EDIL3: variants seen among roughly 807,000 people sequenced by gnomAD.
The protein encoded by EDIL3 is EGF-like repeat and discoidin I-like domain-containing protein 3.
Under a neutral mutation model 67.4 loss-of-function variants are expected in EDIL3, and 37 were observed. The observed-to-expected ratio is 0.55, with a 90% CI of 0.42 to 0.72. The LOEUF is 0.72. Among genes scored for constraint, EDIL3 ranks in the 30% least tolerant of loss-of-function variants. EDIL3 has a pLI of 0.00. For synonymous variants in EDIL3, 195 were observed against 196.3 expected (o/e 0.99, Z 0.05); for missense variants, 527 against 586.3 (o/e 0.90, Z 1.04).
At chr5:84,048,992 G>C (rs923688629) in intron 9 of EDIL3, among the ~76,000 whole-genome samples, 2 of 152,042 alleles carry the variant, frequency 1.3e-5, no homozygotes, top group African/African-American at 2.4e-5. Flanking sequence ...AAGTAAAAAA[G>C]AAATTAATCT....
At chr5:84,046,348 T>C (rs1403097913) in intron 9 of EDIL3, among the ~76,000 whole-genome samples, 1 of 152,174 alleles carries the variant, frequency 6.6e-6, no homozygotes, top group Non-Finnish European at 1.5e-5. Flanking sequence ...GACTGGGCAT[T>C]GGAGAGGCTT....
At chr5:84,338,986 T>C (rs1747043476) in intron 1 of EDIL3, among the ~76,000 whole-genome samples, 1 of 151,258 alleles carries the variant, frequency 6.6e-6, no homozygotes, top group African/African-American at 2.5e-5. Context: ...CTGTCACTAT[T>C]CATCCCTCCC....
At chr5:84,050,849 A>G (rs1371482440) in intron 9 of EDIL3, among the ~76,000 whole-genome samples, 1 of 152,202 alleles carries the variant, frequency 6.6e-6, no homozygotes, top group African/African-American at 2.4e-5. Flanking sequence ...CCGCAGCTCA[A>G]GGAGGCCTGC....
chr5:84,355,279 A>T (rs937297924), intron 1 of EDIL3, among the ~76,000 whole-genome samples: 6 of 151,538 alleles, frequency 4.0e-5, no homozygotes, highest in African/African-American at 1.5e-4. Context: ...TAATTCGGCT[A>T]TTGGTACTTG....
intron 4 of EDIL3, among the ~76,000 whole-genome samples, chr5:84,160,656 TA>T (rs1241299596): frequency 6.6e-6 from 1 of 152,072 alleles, no homozygotes; most frequent in African/African-American, 2.4e-5. Flanking sequence ...TGCTCCCAGT[TA>T]TTCCCAGTTT....
At chr5:83,984,206 A>C (rs1421045780) in intron 9 of EDIL3, among the ~76,000 whole-genome samples, 3 of 152,100 alleles carry the variant, frequency 2.0e-5, no homozygotes, top group Non-Finnish European at 4.4e-5. Context: ...GAAATGAGAC[A>C]AGTCGAGCAA....
chr5:84,086,010 C>A (rs145867552), intron 6 of EDIL3, among the ~76,000 whole-genome samples: 176 of 152,324 alleles, frequency 1.2e-3, no homozygotes, highest in African/African-American at 4.1e-3. Context: ...CATCCCTTCA[C>A]CAAGCTCATC....
intron 3 of EDIL3, 143 bp downstream of exon 3, chr5:84,229,712 A>C: frequency 1.2e-6 from 1 of 817,042 alleles, no homozygotes; most frequent in South Asian, 2.1e-5. Flanking sequence ...TAGTGAGCTC[A>C]GCAAATATAA....
intron 9 of EDIL3, among the ~76,000 whole-genome samples, chr5:84,004,897 A>T (rs147208185): frequency 6.6e-6 from 1 of 152,080 alleles, no homozygotes; most frequent in African/African-American, 2.4e-5. Flanking sequence ...TAAATTCAAA[A>T]GTTTGTTGCT....
intron 9 of EDIL3, among the ~76,000 whole-genome samples, chr5:84,039,607 T>C (rs1321460919): frequency 6.6e-6 from 1 of 152,164 alleles, no homozygotes; most frequent in Non-Finnish European, 1.5e-5. Context: ...CATCATAACT[T>C]AGATCAATTA....
intron 1 of EDIL3, among the ~76,000 whole-genome samples, chr5:84,348,964 C>G (rs1747297051): frequency 6.6e-6 from 1 of 152,122 alleles, no homozygotes; most frequent in African/African-American, 2.4e-5. Context: ...TTTTAATAAA[C>G]ATAATTCCTA....
chr5:84,252,802 T>C (rs2112074653), intron 2 of EDIL3, among the ~76,000 whole-genome samples: 1 of 152,246 alleles, frequency 6.6e-6, no homozygotes, highest in East Asian at 1.9e-4. Flanking sequence ...ATTTGAAGCC[T>C]GGGTCAAAGT....
chr5:84,292,713 T>C (rs1580059037), intron 1 of EDIL3, among the ~76,000 whole-genome samples: 1 of 152,296 alleles, frequency 6.6e-6, no homozygotes, highest in South Asian at 2.1e-4. Flanking sequence ...ATTTATCAGA[T>C]ACCAGAAACT....
chr5:84,037,189 T>G (rs1746037459), intron 9 of EDIL3, among the ~76,000 whole-genome samples: 1 of 152,176 alleles, frequency 6.6e-6, no homozygotes, highest in Admixed American at 6.5e-5. Flanking sequence ...CACTCACTCA[T>G]TATCTTGGGC....
At chr5:84,303,883 CAT>C (rs113326091) in intron 1 of EDIL3, among the ~76,000 whole-genome samples, 5,567 of 149,886 alleles carry the variant, frequency 0.037, 371 homozygotes, top group African/African-American at 0.13. Context: ...CATGCCCACA[CAT>C]GTGTCTATGA....
intron 4 of EDIL3, among the ~76,000 whole-genome samples, chr5:84,157,074 C>T (rs193140862): frequency 6.3e-4 from 96 of 152,068 alleles, no homozygotes; most frequent in African/African-American, 2.3e-3. Context: ...TAGAAAAAAA[C>T]ATAGCAGATC....
At chr5:84,235,851 A>G (rs1385477893) in intron 2 of EDIL3, among the ~76,000 whole-genome samples, 2 of 151,888 alleles carry the variant, frequency 1.3e-5, no homozygotes, top group African/African-American at 4.8e-5. Context: ...TTGGGGTAGG[A>G]AGGAAACAAT....
intron 5 of EDIL3, among the ~76,000 whole-genome samples, chr5:84,122,232 T>C (rs972003174): frequency 5.9e-5 from 9 of 151,950 alleles, no homozygotes; most frequent in African/African-American, 2.2e-4. Flanking sequence ...CTGCTCCCCT[T>C]CCAAAGGTAT....
At chr5:84,144,542 GAGA>G (rs1303977931) in intron 4 of EDIL3, among the ~76,000 whole-genome samples, 5 of 152,214 alleles carry the variant, frequency 3.3e-5, no homozygotes, top group Admixed American at 1.3e-4. Context: ...TTGAGTTTTA[GAGA>G]AGGAGTCTAG....
Sources: gnomAD v4.1 joint callset for allele counts (sites outside exome capture counted in the v4.1 genomes callset) on GRCh38, gnomAD v4.1.1 for gene constraint, MANE v1.5 for transcripts, NCBI Gene and HGNC (gene_info 2026-07-23, HGNC 2026-07-21) for gene names.